Variants in ZMYM2 observed in about 807,000 individuals in gnomAD.
ZMYM2 encodes the protein zinc finger MYM-type containing 2.
In ZMYM2, 56 loss-of-function variants were observed where a neutral mutation model predicts 162.8. That is an observed-to-expected ratio of 0.34 (90% CI 0.28 to 0.43). ZMYM2 has a LOEUF of 0.43. Among genes scored for constraint, ZMYM2 ranks in the 20% least tolerant of loss-of-function variants. The pLI is 1.00. For synonymous variants in ZMYM2, 510 were observed against 541.6 expected, an observed-to-expected ratio of 0.94 and a Z score of 0.81; for missense variants, 1,275 against 1,621.8, an observed-to-expected ratio of 0.79 and a Z score of 3.67.
intron 2 of ZMYM2, among the ~76,000 whole-genome samples, chr13:19,988,502 G>A (rs1197092227): frequency 2.6e-5 from 4 of 152,178 alleles, no homozygotes; most frequent in Admixed American, 2.6e-4. Flanking sequence ...AGTTACGGCC[G>A]GGCATGGTGG....
intron 18 of ZMYM2, 68 bp from the exon 19 acceptor site, chr13:20,064,383 T>G: frequency 7.1e-7 from 1 of 1,405,064 alleles, no homozygotes. Flanking sequence ...TGGTTAGTTC[T>G]TTGTTGGCTG....
At chr13:19,949,716 G>A in the ZMYM2 span, among the ~76,000 whole-genome samples, 12 of 151,504 alleles carry the variant, frequency 7.9e-5, no homozygotes, top group Non-Finnish European at 1.2e-4. Context: ...GTGAAACGCC[G>A]TTTCTACTAA....
At chr13:19,890,350 T>C in the ZMYM2 span, among the ~76,000 whole-genome samples, 1 of 151,436 alleles carries the variant, frequency 6.6e-6, no homozygotes, top group Non-Finnish European at 1.5e-5. Flanking sequence ...AATTTTTTTA[T>C]AGAGACAGGG....
chr13:19,980,156 T>C (rs1186093236), intron 2 of ZMYM2, among the ~76,000 whole-genome samples: 1 of 152,088 alleles, frequency 6.6e-6, no homozygotes, highest in Non-Finnish European at 1.5e-5. Context: ...TTAACGTTTA[T>C]GTATGATGAG....
the ZMYM2 span, among the ~76,000 whole-genome samples, chr13:19,940,639 CA>C: frequency 1.3e-5 from 2 of 152,162 alleles, no homozygotes; most frequent in Non-Finnish European, 2.9e-5. Flanking sequence ...TAGGAGAGAT[CA>C]AACTAAACCC....
the ZMYM2 span, among the ~76,000 whole-genome samples, chr13:19,901,287 A>G: frequency 6.6e-6 from 1 of 152,156 alleles, no homozygotes; most frequent in Non-Finnish European, 1.5e-5. Flanking sequence ...GTATATACCC[A>G]AAGGAATTGA....
At chr13:19,886,725 C>T in the ZMYM2 span, among the ~76,000 whole-genome samples, 2 of 151,600 alleles carry the variant, frequency 1.3e-5, 1 homozygote, top group African/African-American at 4.9e-5. Flanking sequence ...TCTCAGCTCA[C>T]TGCAACCTCT....
rs74673866 is a variant in ZMYM2 at position 20,038,653 on chromosome 13, A to G, written c.2292+1744A>G. Among the ~76,000 whole-genome samples, 973 of 152,214 alleles carry G rather than the reference A, an allele frequency of 6.4e-3. 18 individuals are homozygous for G. The highest frequency in any genetic ancestry group is 0.022 in the African/African-American group (911 of 41,516). ...ATGTGTCTGCTTTTGTACCGGTACC[A>G]TGCTGTTGTGGTTACTGTATCCCTG... On this transcript the variant is annotated intron_variant, in intron 12 of 24. Coordinates refer to ENST00000610343, the MANE Select transcript of ZMYM2 (RefSeq NM_197968.4).
At chr13:19,943,583 C>T in the ZMYM2 span, among the ~76,000 whole-genome samples, 16 of 152,150 alleles carry the variant, frequency 1.1e-4, no homozygotes, top group Non-Finnish European at 1.5e-4. Context: ...ATTGTCCTCT[C>T]GCTGGGCATT....
the ZMYM2 span, among the ~76,000 whole-genome samples, chr13:19,928,529 G>C: frequency 6.6e-6 from 1 of 152,148 alleles, no homozygotes; most frequent in African/African-American, 2.4e-5. Context: ...GGGTGCGGGG[G>C]CTCATGCCTG....
chr13:19,872,371 G>C, the ZMYM2 span, among the ~76,000 whole-genome samples: 1 of 152,154 alleles, frequency 6.6e-6, no homozygotes, highest in African/African-American at 2.4e-5. Flanking sequence ...CCAACATGGT[G>C]AAACTCTGTC....
At chr13:19,894,819 A>G in the ZMYM2 span, among the ~76,000 whole-genome samples, 1 of 151,912 alleles carries the variant, frequency 6.6e-6, no homozygotes, top group Non-Finnish European at 1.5e-5. Context: ...GGACGGACGC[A>G]GTGGCTCACG....
chr13:19,987,873 A>G (rs1005747757), intron 2 of ZMYM2, among the ~76,000 whole-genome samples: 4 of 152,044 alleles, frequency 2.6e-5, no homozygotes, highest in Non-Finnish European at 5.9e-5. Context: ...CAGCCTCCCA[A>G]AGTGTTGGGA....
chr13:20,086,455 C>T lies in ZMYM2; in HGVS notation c.*441C>T, dbSNP rs371655871. 1.4e-4 allele frequency: 31 copies of T among 221,638 alleles called. No homozygotes were observed. Among genetic ancestry groups the T allele is most frequent in the Admixed American group, 3.4e-4 (6 of 17,420 alleles). The allele number at this position is 221,638 out of a possible 1,614,324, so 13.7% of individuals were successfully genotyped here. A position where few individuals can be genotyped will look rare whatever the true frequency, so the allele number is the denominator to read the frequency against. ...AAAGTTTAGAACTTGCAGTGTCTTT[C>T]GGAATTTTTAAAATAAACTGTAAAC... On this transcript the variant is annotated 3_prime_UTR_variant, in exon 25 of 25. Coordinates refer to ENST00000610343, the MANE Select transcript of ZMYM2 (RefSeq NM_197968.4).
chr13:19,929,489 C>T, the ZMYM2 span, among the ~76,000 whole-genome samples: 4 of 152,142 alleles, frequency 2.6e-5, no homozygotes, highest in South Asian at 2.1e-4. Flanking sequence ...CTGCCCGCCT[C>T]GACCTCCCAA....
At chr13:19,966,056 G>A (rs2139165262) in intron 2 of ZMYM2, among the ~76,000 whole-genome samples, 1 of 151,896 alleles carries the variant, frequency 6.6e-6, no homozygotes, top group East Asian at 1.9e-4. Context: ...TGGGATTACA[G>A]GTGTGAGCCA....
chr13:19,987,700 C>T (rs902042808), intron 2 of ZMYM2, among the ~76,000 whole-genome samples: 3 of 150,200 alleles, frequency 2.0e-5, no homozygotes, highest in African/African-American at 4.9e-5. Context: ...AGGCTGGTCT[C>T]GAACTCCTGA....
chr13:19,958,098 C>G (rs1185316333), upstream of ZMYM2, among the ~76,000 whole-genome samples: 2 of 152,214 alleles, frequency 1.3e-5, no homozygotes, highest in Non-Finnish European at 2.9e-5. Flanking sequence ...GACTATTCCC[C>G]ACGGGGCGCG....
At chr13:20,031,279 C>T in intron 9 of ZMYM2, 40 bp from the exon 10 acceptor site, 2 of 1,379,480 alleles carry the variant, frequency 1.4e-6, no homozygotes, top group South Asian at 1.3e-5. Flanking sequence ...GAAATTCAAA[C>T]ATACATGTCA....
Sources: allele counts gnomAD v4.1 joint callset (sites outside exome capture counted in the v4.1 genomes callset), GRCh38; gene constraint gnomAD v4.1.1; transcripts MANE v1.5; gene names NCBI Gene and HGNC (gene_info 2026-07-23, HGNC 2026-07-21).